The following SGMS1 variants were observed in gnomAD, a reference collection of about 807,000 sequenced individuals.
SGMS1 encodes the protein phosphatidylcholine:ceramide cholinephosphotransferase 1.
Under a neutral mutation model 46.2 loss-of-function variants are expected in SGMS1, and 13 were observed. The observed-to-expected ratio is 0.28, with a 90% CI of 0.18 to 0.45. SGMS1 has a LOEUF of 0.45. Among genes scored for constraint, SGMS1 ranks in the 20% least tolerant of loss-of-function variants. The probability of loss-of-function intolerance (pLI) is 1.00; values close to 1 mark genes in which losing one functional copy is unlikely to be tolerated. For missense variants in SGMS1, 324 were observed against 519.9 expected, an observed-to-expected ratio of 0.62 and a Z score of 3.66; for synonymous variants, 203 against 187.8, an observed-to-expected ratio of 1.08 and a Z score of -0.66.
chr10:50,587,093 C>A (rs1169435010), intron 2 of SGMS1, among the ~76,000 whole-genome samples: 2 of 152,082 alleles, frequency 1.3e-5, no homozygotes. Flanking sequence ...AAGACAAATG[C>A]AGAACTAATT....
intron 6 of SGMS1, among the ~76,000 whole-genome samples, chr10:50,384,849 T>C (rs910580390): frequency 6.6e-6 from 1 of 152,184 alleles, no homozygotes; most frequent in African/African-American, 2.4e-5. Context: ...ATTATCAACT[T>C]AGATGAGGAT....
At chr10:50,414,389 G>GA (rs1278198648) in intron 6 of SGMS1, among the ~76,000 whole-genome samples, 1 of 152,102 alleles carries the variant, frequency 6.6e-6, no homozygotes, top group Non-Finnish European at 1.5e-5. Flanking sequence ...GACTCTGCCT[G>GA]AAAAAACAAC....
At chr10:50,507,324 C>G (rs1191970401) in intron 3 of SGMS1, among the ~76,000 whole-genome samples, 2 of 152,210 alleles carry the variant, frequency 1.3e-5, no homozygotes, top group Admixed American at 6.5e-5. Context: ...CTTGCAGCTG[C>G]CACTGATCTG....
At chr10:50,536,042 T>C (rs1837998313) in intron 2 of SGMS1, among the ~76,000 whole-genome samples, 1 of 152,122 alleles carries the variant, frequency 6.6e-6, no homozygotes, top group Admixed American at 6.6e-5. Context: ...GTAATCAAAA[T>C]CCTCATTTCC....
intron 5 of SGMS1, among the ~76,000 whole-genome samples, chr10:50,438,467 C>T (rs762981775): frequency 5.3e-5 from 8 of 152,304 alleles, no homozygotes; most frequent in South Asian, 2.1e-4. Flanking sequence ...GCCAATCACA[C>T]GGGCTTGGGA....
chr10:50,343,491 C>T lies in SGMS1; in HGVS notation c.623+1G>A. On this transcript the variant is annotated splice_donor_variant, in intron 7 of 10. Coordinates refer to ENST00000361781, the MANE Select transcript of SGMS1 (RefSeq NM_147156.4). LOFTEE classifies it high-confidence loss of function. ...AATCTTAGAGCTTTTACTTGACTTA[C>T]TTGTATTTTAAGAGCAGCCACTGAA... The T allele has an allele frequency of 1.3e-6, 2 of 1,590,966 alleles. No homozygotes were observed. The highest frequency in any genetic ancestry group is 1.7e-6 in the Non-Finnish European group (2 of 1,169,562).
At chr10:50,312,767 G>T (rs913936187) in intron 8 of SGMS1, among the ~76,000 whole-genome samples, 3 of 152,184 alleles carry the variant, frequency 2.0e-5, no homozygotes, top group African/African-American at 7.2e-5. Flanking sequence ...AGGAATCACA[G>T]AGGGTACAGT....
At chr10:50,448,742 CA>C (rs35580756) in intron 5 of SGMS1, among the ~76,000 whole-genome samples, 94 of 58,720 alleles carry the variant, frequency 1.6e-3, no homozygotes, top group African/African-American at 4.2e-3. Context: ...GAAACTCCGC[CA>C]AAAAAAAAAA....
At chr10:50,340,299 A>C (rs1379788074) in intron 7 of SGMS1, 3 of 152,220 alleles carry the variant, frequency 2.0e-5, no homozygotes, top group African/African-American at 4.8e-5. Context: ...TTATTTAGCC[A>C]TGCATGAAAA....
chr10:50,583,054 G>A (rs1838449770), intron 2 of SGMS1, among the ~76,000 whole-genome samples: 1 of 152,122 alleles, frequency 6.6e-6, no homozygotes, highest in Admixed American at 6.5e-5. Flanking sequence ...TAAGTGCCCT[G>A]CAAATGTCCA....
chr10:50,466,662 G>A (rs1837332595), intron 4 of SGMS1, among the ~76,000 whole-genome samples: 1 of 152,080 alleles, frequency 6.6e-6, no homozygotes, highest in African/African-American at 2.4e-5. Flanking sequence ...TAGGAAAAAA[G>A]CATTAGTTAT....
intron 6 of SGMS1, among the ~76,000 whole-genome samples, chr10:50,355,415 C>T (rs910493179): frequency 3.3e-5 from 5 of 152,208 alleles, no homozygotes; most frequent in Non-Finnish European, 2.9e-5. Context: ...CCTGGGATTG[C>T]AGGCGCGCGC....
At chr10:50,386,337 T>C (rs1278525204) in intron 6 of SGMS1, among the ~76,000 whole-genome samples, 9 of 152,164 alleles carry the variant, frequency 5.9e-5, no homozygotes, top group Non-Finnish European at 1.0e-4. Flanking sequence ...ATGGAATGCA[T>C]TACTTCATAT....
chr10:50,521,482 C>G (rs1023417628), intron 2 of SGMS1, among the ~76,000 whole-genome samples: 2 of 152,092 alleles, frequency 1.3e-5, no homozygotes, highest in East Asian at 3.9e-4. Context: ...TAATCTACTG[C>G]CATATTCAGT....
intron 8 of SGMS1, among the ~76,000 whole-genome samples, chr10:50,325,435 TAG>T (rs200686970): frequency 0.013 from 1,967 of 152,314 alleles, 39 homozygotes; most frequent in African/African-American, 0.044. Flanking sequence ...AAGATCCTCA[TAG>T]AATGAGGGCC....
intron 2 of SGMS1, among the ~76,000 whole-genome samples, chr10:50,527,137 T>C (rs1837911211): frequency 6.8e-6 from 1 of 148,138 alleles, no homozygotes; most frequent in African/African-American, 2.5e-5. Flanking sequence ...ACCATGCAGC[T>C]CATCCACAGC....
chr10:50,585,307 T>C (rs1838473329), intron 2 of SGMS1, among the ~76,000 whole-genome samples: 1 of 152,238 alleles, frequency 6.6e-6, no homozygotes, highest in Non-Finnish European at 1.5e-5. Context: ...AACTCATCCC[T>C]TCTCCAGACA....
chr10:50,501,722 T>C (rs1837663265), intron 3 of SGMS1, among the ~76,000 whole-genome samples: 1 of 152,198 alleles, frequency 6.6e-6, no homozygotes, highest in African/African-American at 2.4e-5. Context: ...CGTTCTGTCC[T>C]ATGTTTGGTG....
chr10:50,484,327 C>A (rs976559512), intron 3 of SGMS1, among the ~76,000 whole-genome samples: 1 of 151,992 alleles, frequency 6.6e-6, no homozygotes, highest in Non-Finnish European at 1.5e-5. Context: ...GACATATACA[C>A]CCTCCCAAGA....
Sources: gnomAD v4.1 joint callset for allele counts (sites outside exome capture counted in the v4.1 genomes callset) on GRCh38, gnomAD v4.1.1 for gene constraint, MANE v1.5 for transcripts, NCBI Gene and HGNC (gene_info 2026-07-23, HGNC 2026-07-21) for gene names.